IGFBP3: variants seen among roughly 807,000 people sequenced by gnomAD.
IGFBP3 encodes insulin like growth factor binding protein 3.
Under a neutral mutation model 28.6 loss-of-function variants are expected in IGFBP3, and 9 were observed. The observed-to-expected ratio is 0.31, with a 90% CI of 0.19 to 0.55. IGFBP3 has a LOEUF of 0.55. Among genes scored for constraint, IGFBP3 ranks in the 20% least tolerant of loss-of-function variants. The pLI is 0.93. For missense variants in IGFBP3, 382 were observed against 428.9 expected, an observed-to-expected ratio of 0.89 and a Z score of 0.97; for synonymous variants, 185 against 188.2, an observed-to-expected ratio of 0.98 and a Z score of 0.14.
rs975714028 is a variant in IGFBP3, at chr7:45,920,702, G to C, written c.403+36C>G. ...AGGCCCTTCGGCGCCAGTGCGCCGG[G>C]TGCTGCACGCAGCGCACCTGGCGCG... On this transcript the variant is annotated intron_variant, in intron 1 of 4. Transcript: ENST00000613132. 9 of 1,360,836 alleles carry C rather than the reference G, an allele frequency of 6.6e-6. No homozygotes were observed. In the Admixed American group the frequency reaches 1.2e-4, roughly 18 times the overall value. 84.3% of individuals were successfully genotyped at this position (1,360,836 alleles called of 1,614,324 possible).
chr7:45,916,221 T>C (rs1425981986), intron 3 of IGFBP3, among the ~76,000 whole-genome samples: 1 of 152,194 alleles, frequency 6.6e-6, no homozygotes, highest in African/African-American at 2.4e-5. Context: ...TTAACAAATG[T>C]GTTAACATGT....
Position 45,920,945 on chromosome 7 carries a change from C to T in IGFBP3, c.196G>A (p.Gly66Ser), listed in dbSNP as rs1583673974. 7.2e-7 allele frequency: 1 copy of T among 1,390,182 alleles called. No homozygotes were observed. 86.1% of individuals were successfully genotyped at this position (1,390,182 alleles called of 1,614,324 possible). The change falls in exon 1 of 5, where the codon GGC becomes AGC. Residue 66 changes from glycine to serine, a missense_variant. Transcript: ENST00000613132. ...GCGCACGTCAGGCAGCAGCCGCAGCCCGGCTCGCGCACCAGCTCCGCGCAC... is the reference window on the plus strand; with the variant it reads ...GCGCACGTCAGGCAGCAGCCGCAGCTCGGCTCGCGCACCAGCTCCGCGCAC... ...AVCAELVREP[G>S]CGCCLTCALS...
chr7:45,915,108 G>A (rs182526024), intron 3 of IGFBP3, 163 bp from the exon 4 acceptor site: 19 of 716,742 alleles, frequency 2.7e-5, no homozygotes, highest in African/African-American at 7.1e-5. Context: ...GCCTAGGCCC[G>A]CTGAGTGTGC....
chr7:45,916,470 G>A (rs946429318), intron 3 of IGFBP3, 78 bp downstream of exon 3: 30 of 1,466,072 alleles, frequency 2.0e-5, no homozygotes, highest in Admixed American at 5.2e-5. Context: ...ATGGCCAGAA[G>A]AGCCTGGGGG....
rs17847674 is a variant in IGFBP3, at chr7:45,917,552, A to G, written c.404-113T>C. ...ATGTAAATGACAATATTAGTTGGCA[A>G]TCCAAGTGAGTTTTTTTTTTTAAAA... On this transcript the variant is annotated intron_variant, in intron 1 of 4. Coordinates refer to ENST00000613132, the MANE Select transcript of IGFBP3 (RefSeq NM_000598.5). The G allele has an allele frequency of 3.6e-5, 29 of 804,418 alleles. No individual in the cohort carries two copies. The East Asian group carries it at 8.2e-4, about 23-fold the overall frequency. 49.8% of individuals were successfully genotyped at this position (804,418 alleles called of 1,614,324 possible).
chr7:45,920,686 G>A, intron 1 of IGFBP3, 52 bp downstream of exon 1: 6 of 1,321,948 alleles, frequency 4.5e-6, no homozygotes, highest in Non-Finnish European at 5.8e-6. Flanking sequence ...CAGGCCCTTC[G>A]GCGCCAGTGC....
chr7:45,921,131 C>A lies in IGFBP3; in HGVS notation c.10G>T (p.Ala4Ser). 6.7e-7 allele frequency: 1 copy of A among 1,500,342 alleles called. No homozygotes were observed. Among genetic ancestry groups the A allele is most frequent in the Non-Finnish European group, 8.8e-7 (1 of 1,130,420 alleles). 92.9% of individuals were successfully genotyped at this position (1,500,342 alleles called of 1,614,324 possible). ...GCAGCGGCCCAGAGCGTGGGTCGCGCCCGCTGCATGACGCCTGCAACCGGG... is the reference window on the plus strand; with the variant it reads ...GCAGCGGCCCAGAGCGTGGGTCGCGACCGCTGCATGACGCCTGCAACCGGG... MQRARPTLWAAALT... is the reference protein window; with the variant it reads MQRSRPTLWAAALT... Residue 4 changes from alanine to serine, a missense_variant, in exon 1 of 5, where the codon GCG becomes TCG. Coordinates refer to ENST00000613132, the MANE Select transcript of IGFBP3 (RefSeq NM_000598.5).
chr7:45,920,349 TC>T (rs11292609), intron 1 of IGFBP3: 177,300 of 220,336 alleles, frequency 0.8, 71,844 homozygotes, highest in East Asian at 0.97. Flanking sequence ...TCCGCCTATA[TC>T]CCCCCCATCC....
intron 2 of IGFBP3, 142 bp from the exon 3 acceptor site, chr7:45,916,809 G>GA (rs567806721): frequency 9.4e-6 from 8 of 854,972 alleles, no homozygotes; most frequent in Admixed American, 4.3e-5. Context: ...GATGTAGCAC[G>GA]AAAGTCCCCC....
At position 45,921,271 on chromosome 7, in the gene IGFBP3, C is replaced by T. The variant is rs991181462; in HGVS notation, c.-131G>A. ...CAGCGCCCAGCCGCAGTGCTCGCAT[C>T]TGGGCGGCCCGGGCGCGCCGGCCGC... On this transcript the variant is annotated 5_prime_UTR_variant, in exon 1 of 5. Transcript: ENST00000613132. 9.6e-6 allele frequency: 11 copies of T among 1,143,686 alleles called. No homozygotes were observed. The highest frequency in any genetic ancestry group is 2.2e-4 in the Middle Eastern group (1 of 4,516). 70.8% of individuals were successfully genotyped at this position (1,143,686 alleles called of 1,614,324 possible).
At position 45,913,646 on chromosome 7, in the gene IGFBP3, A is replaced by G. The variant is rs1024386254; in HGVS notation, c.*204T>C. 1 of 152,220 alleles carries G rather than the reference A, an allele frequency of 6.6e-6. No individual in the cohort carries two copies. The highest frequency in any genetic ancestry group is 2.4e-5 in the African/African-American group (1 of 41,442). 9.4% of individuals were successfully genotyped at this position (152,220 alleles called of 1,614,324 possible). On this transcript the variant is annotated 3_prime_UTR_variant, in exon 5 of 5. Transcript: ENST00000613132. ...CAAACTGCTCTTTGCTGACTACTGG[A>G]AAGTGAAAAGATGCTCAAGTTTACC...
At chr7:45,917,543 T>A in intron 1 of IGFBP3, 104 bp from the exon 2 acceptor site, 1 of 908,662 alleles carries the variant, frequency 1.1e-6, no homozygotes, top group Non-Finnish European at 1.6e-6. Flanking sequence ...ATGACAATAT[T>A]AGTTGGCAAT....
Position 45,921,080 on chromosome 7 carries a change from C to A in IGFBP3, c.61G>T (p.Gly21Trp), listed in dbSNP as rs909110022. 18 of 1,460,398 alleles carry A rather than the reference C, an allele frequency of 1.2e-5. No homozygotes were observed. In the Admixed American group the frequency reaches 3.1e-4, roughly 25 times the overall value. 90.5% of individuals were successfully genotyped at this position (1,460,398 alleles called of 1,614,324 possible). Residue 21 changes from glycine to tryptophan, a missense_variant, in exon 1 of 5, where the codon GGG (glycine) becomes TGG (tryptophan). Transcript: ENST00000613132. ...GCGCCAGCCCGCGCCACCGGCGGCCCGCGGAGCAGCACCAGCAGAGTCAGC... is the reference window on the plus strand; with the variant it reads ...GCGCCAGCCCGCGCCACCGGCGGCCAGCGGAGCAGCACCAGCAGAGTCAGC... ...AALTLLVLLR[G>W]PPVARAGASS...
At chr7:45,917,063 GGA>G in intron 2 of IGFBP3, 148 bp downstream of exon 2, 1 of 652,662 alleles carries the variant, frequency 1.5e-6, no homozygotes, top group Non-Finnish European at 2.7e-6. Flanking sequence ...TGTAAGGAGA[GGA>G]GAGAGGTAGG....
chr7:45,917,790 G>A (rs576725256), intron 1 of IGFBP3, among the ~76,000 whole-genome samples: 6 of 152,326 alleles, frequency 3.9e-5, no homozygotes, highest in African/African-American at 1.2e-4. Flanking sequence ...ACGGGAGGCT[G>A]CTGCAGCGCC....
intron 3 of IGFBP3, among the ~76,000 whole-genome samples, chr7:45,915,913 C>A (rs1784602960): frequency 6.6e-6 from 1 of 152,192 alleles, no homozygotes; most frequent in Non-Finnish European, 1.5e-5. Flanking sequence ...CCAAGACAGA[C>A]ACCTGGTATG....
Position 45,912,280 on chromosome 7 carries a change from AATT to A in IGFBP3, c.*1567_*1569del, listed in dbSNP as rs1784554343. On this transcript the variant is annotated 3_prime_UTR_variant, in exon 5 of 5. Transcript: ENST00000613132. ...TTTCAGGATTTTATTATAATAAAAT[AATT>A]ATTATATAATAAAATAAAATAATTA... is the stretch of plus-strand genomic sequence containing the variant. The A allele has an allele frequency of 6.8e-6, 1 of 147,632 alleles. No individual in the cohort carries two copies. The highest frequency in any genetic ancestry group is 2.1e-4 in the South Asian group (1 of 4,830). 9.1% of individuals were successfully genotyped at this position (147,632 alleles called of 1,614,324 possible).
At chr7:45,918,737 G>C (rs543072276) in intron 1 of IGFBP3, among the ~76,000 whole-genome samples, 1 of 152,178 alleles carries the variant, frequency 6.6e-6, no homozygotes, top group Non-Finnish European at 1.5e-5. Context: ...CTCTCCCCTG[G>C]AAGTGGCTAC....
rs1184974852 is a variant in IGFBP3, at chr7:45,921,020, C to G, written c.121G>C (p.Glu41Gln). The G allele has an allele frequency of 2.8e-6, 4 of 1,409,904 alleles. No individual in the cohort carries two copies. Among genetic ancestry groups the G allele is most frequent in the East Asian group, 3.1e-5 (1 of 32,122 alleles). The allele number at this position is 1,409,904 out of a possible 1,614,324, so 87.3% of individuals were successfully genotyped here. The change falls in exon 1 of 5, where the codon GAG becomes CAG. Residue 41 changes from glutamate (E) to glutamine (Q), a missense_variant. By Grantham distance (29) the Glu-to-Gln change is conservative. Coordinates refer to ENST00000613132, the MANE Select transcript of IGFBP3 (RefSeq NM_000598.5). ...GCCAGTGCACGCGCGTCGCACGGCT[C>G]GCAGCGCACCACGGGACCCAAGCCC... ...SAGLGPVVRC[E>Q]PCDARALAQC...
Sources: allele counts gnomAD v4.1 joint callset (sites outside exome capture counted in the v4.1 genomes callset), GRCh38; gene constraint gnomAD v4.1.1; transcripts MANE v1.5; gene names NCBI Gene and HGNC (gene_info 2026-07-23, HGNC 2026-07-21).